The following NCALD variants were observed in gnomAD, a reference collection of about 807,000 sequenced individuals.
NCALD encodes neurocalcin-delta.
Under a neutral mutation model 18.6 loss-of-function variants are expected in NCALD, and 10 were observed. The ratio of observed to expected loss-of-function variants is 0.54; its 90% CI spans 0.33 to 0.91. The LOEUF (loss-of-function observed/expected upper bound fraction) is 0.91. Ranked by LOEUF, NCALD falls within the 40% of genes least tolerant of loss-of-function variation. NCALD has a pLI of 0.03. For synonymous variants in NCALD, 88 were observed against 87.4 expected, an observed-to-expected ratio of 1.01 and a Z score of -0.04; for missense variants, 184 against 247.6, an observed-to-expected ratio of 0.74 and a Z score of 1.72.
chr8:101,727,774 G>T (rs1203695594), intron 1 of NCALD, among the ~76,000 whole-genome samples: 2 of 152,246 alleles, frequency 1.3e-5, no homozygotes, highest in Non-Finnish European at 2.9e-5. Flanking sequence ...TGCGTGAGCT[G>T]GCCCTGGGCC....
chr8:102,117,116 G>A (rs866824402), intron 1 of NCALD, among the ~76,000 whole-genome samples: 19 of 152,140 alleles, frequency 1.2e-4, no homozygotes, highest in African/African-American at 4.3e-4. Context: ...ACGGCATTTC[G>A]GCCTCAGACT....
intron 4 of NCALD, among the ~76,000 whole-genome samples, chr8:101,833,393 G>A (rs919466763): frequency 1.4e-4 from 22 of 152,090 alleles, no homozygotes; most frequent in Admixed American, 6.6e-5. Flanking sequence ...ATGCAAAAAG[G>A]TTAAGTAACA....
intron 4 of NCALD, among the ~76,000 whole-genome samples, chr8:101,865,025 C>T (rs1374481845): frequency 6.6e-6 from 1 of 152,142 alleles, no homozygotes; most frequent in Non-Finnish European, 1.5e-5. Context: ...AATAAGTGCT[C>T]TCATCAGCAG....
intron 4 of NCALD, among the ~76,000 whole-genome samples, chr8:101,797,940 T>A (rs1383250665): frequency 6.6e-6 from 1 of 152,146 alleles, no homozygotes; most frequent in African/African-American, 2.4e-5. Flanking sequence ...TTTTATGTCT[T>A]CAAAGTCCTA....
At chr8:101,926,497 T>C (rs918513646) in intron 2 of NCALD, among the ~76,000 whole-genome samples, 9 of 152,076 alleles carry the variant, frequency 5.9e-5, no homozygotes, top group Non-Finnish European at 2.9e-5. Context: ...TTTATATGAG[T>C]TATCCAATTT....
intron 1 of NCALD, among the ~76,000 whole-genome samples, chr8:102,099,981 C>CA (rs1360552443): frequency 0.012 from 899 of 73,130 alleles, 7 homozygotes; most frequent in East Asian, 0.064. Context: ...GACTCTGTCT[C>CA]AAAAAAAAAA....
chr8:101,728,376 A>G (rs2130547257), intron 1 of NCALD, among the ~76,000 whole-genome samples: 1 of 152,344 alleles, frequency 6.6e-6, no homozygotes, highest in East Asian at 1.9e-4. Flanking sequence ...CATCCTGGAC[A>G]GCCTGATTAA....
chr8:101,836,733 C>A (rs961808491), intron 4 of NCALD, among the ~76,000 whole-genome samples: 2 of 152,162 alleles, frequency 1.3e-5, no homozygotes, highest in Non-Finnish European at 2.9e-5. Flanking sequence ...TCTGTGCATT[C>A]CTCAGTAAGA....
chr8:101,692,013 C>T (rs1326178788), intron 3 of NCALD: 4 of 982,154 alleles, frequency 4.1e-6, no homozygotes, highest in South Asian at 9.4e-5. Flanking sequence ...ACATGATGCC[C>T]CGTTAACTTT....
intron 2 of NCALD, among the ~76,000 whole-genome samples, chr8:101,962,111 T>A (rs1819859007): frequency 6.6e-6 from 1 of 152,040 alleles, no homozygotes; most frequent in Non-Finnish European, 1.5e-5. Context: ...AATGCAGAAG[T>A]CCATACTTAA....
chr8:101,903,780 C>T (rs1817518352), intron 3 of NCALD, among the ~76,000 whole-genome samples: 4 of 152,198 alleles, frequency 2.6e-5, no homozygotes, highest in Admixed American at 2.6e-4. Context: ...CTTCCTCAGT[C>T]TCATCCTCTC....
intron 4 of NCALD, among the ~76,000 whole-genome samples, chr8:101,858,843 A>AC (rs113085845): frequency 1.1e-3 from 160 of 152,292 alleles, no homozygotes; most frequent in African/African-American, 3.8e-3. Context: ...AAACAGAATG[A>AC]CCAGATACTT....
intron 3 of NCALD, chr8:101,691,281 T>C: frequency 1.0e-6 from 1 of 985,206 alleles, no homozygotes; most frequent in Non-Finnish European, 1.2e-6. Context: ...CCTTTGAAAA[T>C]TTAATTTAAT....
intron 2 of NCALD, among the ~76,000 whole-genome samples, chr8:102,005,846 G>T (rs924334565): frequency 2.7e-5 from 4 of 146,810 alleles, no homozygotes; most frequent in Non-Finnish European, 6.0e-5. Flanking sequence ...CATGGACACA[G>T]GAAGGGGAAC....
At chr8:101,939,549 T>C (rs1818881408) in intron 2 of NCALD, among the ~76,000 whole-genome samples, 1 of 152,264 alleles carries the variant, frequency 6.6e-6, no homozygotes, top group African/African-American at 2.4e-5. Context: ...TTAACTTTTC[T>C]TCTTATCTCC....
In NCALD at chr8:102,104,701, C is replaced by T. The variant is rs548475453; in HGVS notation, c.-210+19536G>A. 2.0e-5 allele frequency among the ~76,000 whole-genome samples: 3 copies of T among 152,298 alleles called. No individual in the cohort carries two copies. The East Asian group carries it at 5.8e-4, about 29-fold the overall frequency. On this transcript the variant is annotated intron_variant, in intron 1 of 6. Transcript: ENST00000311028. ...GGTTGTTTTTGCATGGACAGTATCC[C>T]TTCCCATTTCTTGTAATACTAACAT...
chr8:101,781,102 C>T (rs1196709790), intron 1 of NCALD, among the ~76,000 whole-genome samples: 1 of 152,074 alleles, frequency 6.6e-6, no homozygotes, highest in Non-Finnish European at 1.5e-5. Flanking sequence ...ATTTCTTTTG[C>T]AAAGTGGAAT....
intron 1 of NCALD, among the ~76,000 whole-genome samples, chr8:101,780,787 T>C (rs1258071404): frequency 6.6e-6 from 1 of 152,212 alleles, no homozygotes; most frequent in Non-Finnish European, 1.5e-5. Context: ...TGATATAACA[T>C]GATTTCAGTG....
At chr8:101,739,667 A>G (rs2130679520) in intron 1 of NCALD, among the ~76,000 whole-genome samples, 1 of 152,234 alleles carries the variant, frequency 6.6e-6, no homozygotes, top group South Asian at 2.1e-4. Context: ...TCACACTCCA[A>G]GTTGTTCAGC....
Sources: gnomAD v4.1 joint callset for allele counts (sites outside exome capture counted in the v4.1 genomes callset) on GRCh38, gnomAD v4.1.1 for gene constraint, MANE v1.5 for transcripts, NCBI Gene and HGNC (gene_info 2026-07-23, HGNC 2026-07-21) for gene names.